The following BNC2 variants were observed in gnomAD, a reference collection of about 807,000 sequenced individuals.
The protein encoded by BNC2 is basonuclin zinc finger protein 2, also known as zinc finger protein basonuclin-2.
Under a neutral mutation model 76.3 loss-of-function variants are expected in BNC2, and 20 were observed. That is an observed-to-expected ratio of 0.26 (90% CI 0.18 to 0.38). BNC2 has a LOEUF of 0.38. BNC2 is among the 10% of genes least tolerant of loss of function. BNC2 has a pLI of 1.00. For missense variants in BNC2, 1,382 were observed against 1,399.8 expected (o/e 0.99, Z 0.20); for synonymous variants, 582 against 514.8 (o/e 1.13, Z -1.77).
At chr9:16,830,863 G>C (rs1818562623) in intron 1 of BNC2, among the ~76,000 whole-genome samples, 1 of 152,162 alleles carries the variant, frequency 6.6e-6, no homozygotes, top group Non-Finnish European at 1.5e-5. Context: ...ATACCCTAAG[G>C]ATTCTTGGAG....
intron 1 of BNC2, among the ~76,000 whole-genome samples, chr9:16,856,893 A>T (rs1485763951): frequency 6.6e-6 from 1 of 152,174 alleles, no homozygotes; most frequent in Non-Finnish European, 1.5e-5. Flanking sequence ...GAGATTAGAT[A>T]CCACAGGGCA....
intron 3 of BNC2, among the ~76,000 whole-genome samples, chr9:16,716,697 G>C (rs1824005993): frequency 6.6e-6 from 1 of 152,154 alleles, no homozygotes; most frequent in Non-Finnish European, 1.5e-5. Context: ...GTAGTACGTA[G>C]GCTATGACCA....
intron 3 of BNC2, among the ~76,000 whole-genome samples, chr9:16,656,895 A>C (rs1049560867): frequency 6.6e-6 from 1 of 152,206 alleles, no homozygotes; most frequent in Non-Finnish European, 1.5e-5. Context: ...GGGGAAACAG[A>C]AGTCAGTTGC....
chr9:16,436,590 C>G lies in BNC2; in HGVS notation c.1604G>C (p.Gly535Ala). The G allele has an allele frequency of 6.2e-7, 1 of 1,614,006 alleles. No individual in the cohort carries two copies. The highest frequency in any genetic ancestry group is 8.5e-7 in the Non-Finnish European group (1 of 1,180,012). The change falls in exon 6 of 7, where the codon GGC (glycine) becomes GCC (alanine). Residue 535 changes from glycine to alanine, a missense_variant. Transcript: ENST00000380672. ...TKSNLALTSP[G>A]RPPMGFTTPP... Reference sequence around the variant, plus strand: ...AGTGGTAAAACCCATTGGGGGTCGGCCAGGGCTTGTGAGTGCCAGATTTGA... The same window carrying G: ...AGTGGTAAAACCCATTGGGGGTCGGGCAGGGCTTGTGAGTGCCAGATTTGA...
intron 1 of BNC2, among the ~76,000 whole-genome samples, chr9:16,748,916 TTTA>T (rs1825093946): frequency 2.2e-5 from 1 of 45,308 alleles, no homozygotes; most frequent in African/African-American, 1.0e-4. Context: ...TTTTTCACTT[TTTA>T]TACTATATAT....
chr9:16,582,508 C>G (rs1307634877), intron 4 of BNC2, among the ~76,000 whole-genome samples: 2 of 152,198 alleles, frequency 1.3e-5, no homozygotes, highest in Non-Finnish European at 2.9e-5. Flanking sequence ...TTCCCGTTCA[C>G]TCTCTCGTCC....
chr9:16,665,078 G>C (rs769896172), intron 3 of BNC2: 5 of 455,976 alleles, frequency 1.1e-5, no homozygotes, highest in Middle Eastern at 3.2e-4. Flanking sequence ...AGAAATCATA[G>C]CAACTTTCAG....
intron 1 of BNC2, among the ~76,000 whole-genome samples, chr9:16,786,858 C>T (rs1197782200): frequency 1.3e-5 from 2 of 152,134 alleles, no homozygotes; most frequent in African/African-American, 4.8e-5. Flanking sequence ...TAATTCCCTT[C>T]CCCCATCCCA....
chr9:16,516,992 C>G (rs975667400), intron 5 of BNC2, among the ~76,000 whole-genome samples: 2 of 152,172 alleles, frequency 1.3e-5, no homozygotes, highest in African/African-American at 4.8e-5. Flanking sequence ...TAAACGGCAT[C>G]CAGGAATGCA....
At position 16,780,104 on chromosome 9, in the gene BNC2, C is replaced by T. The variant is rs1460395233; in HGVS notation, c.4-41619G>A. Among the ~76,000 whole-genome samples the T allele has an allele frequency of 2.0e-4, 31 of 151,308 alleles. No individual in the cohort carries two copies. In the East Asian group the frequency reaches 4.1e-3, roughly 20 times the overall value. On this transcript the variant is annotated intron_variant, in intron 1 of 6. Transcript: ENST00000380672. ...ACAAAAAATTAGCCGGGCGCGGTGG[C>T]GGGTGCCTGTAGTCCCAGCTACTAG... is the stretch of plus-strand genomic sequence containing the variant.
chr9:16,595,949 G>A (rs1458865399), intron 3 of BNC2, among the ~76,000 whole-genome samples: 1 of 152,088 alleles, frequency 6.6e-6, no homozygotes, highest in Non-Finnish European at 1.5e-5. Flanking sequence ...TGTGGACTGG[G>A]TTCACATGTG....
intron 5 of BNC2, among the ~76,000 whole-genome samples, chr9:16,439,876 G>C (rs1057052149): frequency 6.6e-6 from 1 of 152,134 alleles, no homozygotes; most frequent in Non-Finnish European, 1.5e-5. Context: ...TCATCATGTA[G>C]ATAGAATTGG....
intron 3 of BNC2, among the ~76,000 whole-genome samples, chr9:16,668,498 A>G (rs961749600): frequency 2.6e-5 from 4 of 152,206 alleles, no homozygotes; most frequent in Non-Finnish European, 5.9e-5. Flanking sequence ...GAGAGTGGTA[A>G]ACATACTTAA....
intron 1 of BNC2, among the ~76,000 whole-genome samples, chr9:16,844,730 C>G (rs1563968036): frequency 3.3e-5 from 5 of 152,148 alleles, no homozygotes. Flanking sequence ...GACTCCTTAC[C>G]TCAGGTGATC....
intron 1 of BNC2, among the ~76,000 whole-genome samples, chr9:16,784,597 C>G (rs952431469): frequency 6.6e-6 from 1 of 152,172 alleles, no homozygotes; most frequent in African/African-American, 2.4e-5. Context: ...AGGGCTTACT[C>G]TGAATACAGA....
intron 3 of BNC2, among the ~76,000 whole-genome samples, chr9:16,664,306 A>G (rs1822201767): frequency 6.6e-6 from 1 of 152,164 alleles, no homozygotes; most frequent in Non-Finnish European, 1.5e-5. Context: ...TTTGTTGCTC[A>G]GAGGCATGCT....
At chr9:16,741,957 C>CAAAAAAAAAAAAA in intron 1 of BNC2, among the ~76,000 whole-genome samples, 2 of 79,392 alleles carry the variant, frequency 2.5e-5, no homozygotes, top group Non-Finnish European at 4.5e-5. Context: ...GGCTCCATCT[C>CAAAAAAAAAAAAA]AAAAAAAAAA....
Position 16,738,393 on chromosome 9 carries a change from G to A in BNC2, c.96C>T (p.Val32=), listed in dbSNP as rs1587367097. The part of the protein sequence containing the change: ...SEQDWPAYFK[V]PCCGVDTSQI... Reference sequence around the variant, plus strand: ...GAGATGTATCAACCCCACAACATGGGACCTTGAAATATGCTGGCCAGTCTT... The same window carrying A: ...GAGATGTATCAACCCCACAACATGGAACCTTGAAATATGCTGGCCAGTCTT... The change falls in exon 2 of 7, where the codon GTC becomes GTT. Residue 32 remains valine, a synonymous_variant. Coordinates refer to ENST00000380672, the MANE Select transcript of BNC2 (RefSeq NM_017637.6). 4 of 1,614,038 alleles carry A rather than the reference G, an allele frequency of 2.5e-6. No homozygotes were observed. In the East Asian group the frequency reaches 6.7e-5, roughly 27 times the overall value.
At chr9:16,737,003 T>C (rs1824691578) in intron 2 of BNC2, among the ~76,000 whole-genome samples, 1 of 150,910 alleles carries the variant, frequency 6.6e-6, no homozygotes, top group South Asian at 2.1e-4. Context: ...ACAGGGTTTC[T>C]CCATGTTGGT....
Sources: allele counts gnomAD v4.1 joint callset (sites outside exome capture counted in the v4.1 genomes callset), GRCh38; gene constraint gnomAD v4.1.1; transcripts MANE v1.5; gene names NCBI Gene and HGNC (gene_info 2026-07-23, HGNC 2026-07-21).